Variants in NFE2L1 observed in about 807,000 individuals in gnomAD.
NFE2L1 encodes endoplasmic reticulum membrane sensor NFE2L1.
Under a neutral mutation model 61.6 loss-of-function variants are expected in NFE2L1, and 18 were observed. That is an observed-to-expected ratio of 0.29 (90% CI 0.20 to 0.43). The LOEUF is 0.43. Among genes scored for constraint, NFE2L1 ranks in the 20% least tolerant of loss-of-function variants. The probability of loss-of-function intolerance (pLI) is 1.00; values close to 1 mark genes in which losing one functional copy is unlikely to be tolerated. For synonymous variants in NFE2L1, 419 were observed against 402.7 expected (o/e 1.04, Z -0.48); for missense variants, 827 against 973.5 (o/e 0.85, Z 2.00).
intron 2 of NFE2L1, among the ~76,000 whole-genome samples, chr17:48,052,526 TA>T (rs1373162902): frequency 2.6e-5 from 4 of 152,306 alleles, no homozygotes; most frequent in African/African-American, 9.6e-5. Context: ...TGAAGGAATG[TA>T]AAAAGTTTTA....
intron 1 of NFE2L1, among the ~76,000 whole-genome samples, chr17:48,049,402 CT>C (rs940985966): frequency 6.6e-6 from 1 of 151,294 alleles, no homozygotes; most frequent in Non-Finnish European, 1.5e-5. Flanking sequence ...TCTTTTTTTT[CT>C]TTTTTTGAGA....
At chr17:48,052,853 C>A (rs2037289025) in intron 2 of NFE2L1, among the ~76,000 whole-genome samples, 2 of 152,180 alleles carry the variant, frequency 1.3e-5, no homozygotes, top group Admixed American at 1.3e-4. Flanking sequence ...TTGTCTGACC[C>A]CAAGTGTCAG....
In NFE2L1 at chr17:48,059,544, A is replaced by G. The variant is rs141070896; in HGVS notation, c.2222A>G (p.Gln741Arg). 5 of 1,612,648 alleles carry G rather than the reference A, an allele frequency of 3.1e-6. No homozygotes were observed. The African/African-American group carries it at 5.3e-5, about 17-fold the overall frequency. ...TACTCGCCCAGTCAGTATGCGCTCC[A>G]GTACGCCGGGGACGGCAGTGTCCTC... ...RPYSPSQYALQYAGDGSVLLI... is the reference protein window; with the variant it reads ...RPYSPSQYALRYAGDGSVLLI... Residue 741 changes from glutamine to arginine, a missense_variant, in exon 6 of 6, where the codon CAG becomes CGG. Coordinates refer to ENST00000362042, the MANE Select transcript of NFE2L1 (RefSeq NM_003204.3). This position sits in a 1 kb window ranked among gnomAD's most constrained non-coding sequence, Gnocchi z 6.1.
Position 48,058,746 on chromosome 17 carries a change from C to CT in NFE2L1, c.1425dup (p.Asp476Ter). ...TCCCAGCTGGAGGAGGAATTTGACT[C>CT]TGACTCAGGCCTTTCCTTAGACTCG... On this transcript the variant is annotated frameshift_variant, in exon 6 of 6. Coordinates refer to ENST00000362042, the MANE Select transcript of NFE2L1 (RefSeq NM_003204.3). LOFTEE classifies it high-confidence loss of function. The CT allele has an allele frequency of 6.2e-7, 1 of 1,614,236 alleles. No homozygotes were observed. Among genetic ancestry groups the CT allele is most frequent in the Middle Eastern group, 1.6e-4 (1 of 6,062 alleles).
rs1266948068 is a variant in NFE2L1 at position 48,055,987 on chromosome 17, A to G, written c.511-399A>G. On this transcript the variant is annotated intron_variant, in intron 2 of 5. Coordinates refer to ENST00000362042, the MANE Select transcript of NFE2L1 (RefSeq NM_003204.3). ...GCATGACAATTCGCTCTTGCTTGCC[A>G]TGGCCAGCTTCCTCCAAACCAAGTT... is the stretch of plus-strand genomic sequence containing the variant. 1.6e-5 allele frequency: 3 copies of G among 191,836 alleles called. No homozygotes were observed. The South Asian group carries it at 3.3e-4, about 21-fold the overall frequency. The allele number at this position is 191,836 out of a possible 1,614,324, so 11.9% of individuals were successfully genotyped here.
intron 2 of NFE2L1, among the ~76,000 whole-genome samples, chr17:48,055,666 C>T (rs1252929267): frequency 6.6e-6 from 1 of 152,032 alleles, no homozygotes; most frequent in African/African-American, 2.4e-5. Flanking sequence ...CATCTGACTG[C>T]CTGAGCCTCC....
Position 48,059,824 on chromosome 17 carries a change from C to A in NFE2L1, c.*183C>A. ...AGGCACTGGCTGGCTCAGCTCCACT[C>A]GGGTGGAGTGGAAGTGGCCAGACCA... On this transcript the variant is annotated 3_prime_UTR_variant, in exon 6 of 6. Coordinates refer to ENST00000362042, the MANE Select transcript of NFE2L1 (RefSeq NM_003204.3). The surrounding 1 kb of genome is among the most constrained non-coding windows in gnomAD (Gnocchi z 6.1). The A allele has an allele frequency of 1.1e-6, 1 of 875,298 alleles. No homozygotes were observed. The highest frequency in any genetic ancestry group is 1.7e-6 in the Non-Finnish European group (1 of 600,428). The allele number at this position is 875,298 out of a possible 1,614,324, so 54.2% of individuals were successfully genotyped here. A position where few individuals can be genotyped will look rare whatever the true frequency, so the allele number is the denominator to read the frequency against.
At position 48,056,576 on chromosome 17, in the gene NFE2L1, C is replaced by T; in HGVS notation, c.701C>T (p.Thr234Ile). ...LARNLLVDGE[T>I]GESFPAQVPS... ...CGGAACCTGCTAGTGGATGGAGAGA[C>T]TGGGGAGAGCTTCCCTGCACAGGTA... is the stretch of plus-strand genomic sequence containing the variant. The change falls in exon 3 of 6, where the codon ACT becomes ATT. Residue 234 changes from threonine (T) to isoleucine (I), a missense_variant. Coordinates refer to ENST00000362042, the MANE Select transcript of NFE2L1 (RefSeq NM_003204.3). The T allele has an allele frequency of 6.2e-7, 1 of 1,613,298 alleles. No homozygotes were observed. The highest frequency in any genetic ancestry group is 1.1e-5 in the South Asian group (1 of 91,058).
chr17:48,058,179 A>G, intron 5 of NFE2L1, 116 bp from the exon 6 acceptor site: 1 of 1,411,132 alleles, frequency 7.1e-7, no homozygotes. Flanking sequence ...GCTTTGGTTT[A>G]TAGTATTTTG....
Position 48,061,282 on chromosome 17 carries a change from TG to T in NFE2L1, c.*1647del, listed in dbSNP as rs1598297899. The T allele has an allele frequency of 1.3e-5, 2 of 151,302 alleles. No individual in the cohort carries two copies. Among genetic ancestry groups the T allele is most frequent in the Admixed American group, 6.6e-5 (1 of 15,196 alleles). The allele number at this position is 151,302 out of a possible 1,614,324, so 9.4% of individuals were successfully genotyped here. On this transcript the variant is annotated 3_prime_UTR_variant, in exon 6 of 6. Transcript: ENST00000362042. ...CAGACAAGTGGGAGTGAAATGGGGGTGGGGGGAAGCACTGATTCCCAGTTAG... is the reference window on the plus strand; with the variant it reads ...CAGACAAGTGGGAGTGAAATGGGGGTGGGGGAAGCACTGATTCCCAGTTAG...
intron 1 of NFE2L1, 155 bp downstream of exon 1, chr17:48,048,617 C>G (rs2037152708): frequency 6.6e-6 from 1 of 150,958 alleles, no homozygotes; most frequent in Non-Finnish European, 1.5e-5. Context: ...GGAGGGGCCC[C>G]GCGCGGGGCC....
Position 48,057,491 on chromosome 17 carries a change from A to G in NFE2L1, c.961A>G (p.Met321Val). The change falls in exon 5 of 6, where the codon ATG (methionine) becomes GTG (valine). Residue 321 changes from methionine (M) to valine (V), a missense_variant. By Grantham distance (21) the Met-to-Val change is conservative (BLOSUM62 1). Coordinates refer to ENST00000362042, the MANE Select transcript of NFE2L1 (RefSeq NM_003204.3). ...EQQWQDLMSI[M>V]EMQAMEVNTS... ...GCAGTGGCAAGATCTCATGTCCATC[A>G]TGGAAATGCAGGTAGGATTGTCGGA... The G allele has an allele frequency of 6.2e-7, 1 of 1,613,042 alleles. No individual in the cohort carries two copies. Among genetic ancestry groups the G allele is most frequent in the Non-Finnish European group, 8.5e-7 (1 of 1,179,570 alleles).
intron 2 of NFE2L1, chr17:48,054,936 G>T: frequency 7.0e-7 from 1 of 1,438,688 alleles, no homozygotes; most frequent in South Asian, 1.4e-5. Context: ...CCAGCCTGGT[G>T]TGCTCCCTGA....
chr17:48,051,987 A>G (rs1030544680), intron 2 of NFE2L1, among the ~76,000 whole-genome samples: 2 of 152,106 alleles, frequency 1.3e-5, no homozygotes, highest in African/African-American at 4.8e-5. Context: ...CTAAGACACA[A>G]ATACTTTTTG....
chr17:48,051,526 A>G lies in NFE2L1; in HGVS notation c.408A>G (p.Pro136=), dbSNP rs1246654422. The G allele has an allele frequency of 3.7e-6, 6 of 1,614,216 alleles. No homozygotes were observed. The highest frequency in any genetic ancestry group is 5.1e-6 in the Non-Finnish European group (6 of 1,180,046). The change falls in exon 2 of 6, where the codon CCA becomes CCG. Residue 136 remains proline (P), a synonymous_variant. Coordinates refer to ENST00000362042, the MANE Select transcript of NFE2L1 (RefSeq NM_003204.3). ...GTGGCCTCCAAGATGTGACAGGCCC[A>G]GACAACGGGGTGCGAGAAAGCGAAA... is the stretch of plus-strand genomic sequence containing the variant. ...SSSGLQDVTG[P]DNGVRESETE... is the part of the protein sequence containing the mutation.
At position 48,059,901 on chromosome 17, in the gene NFE2L1, T is replaced by A; in HGVS notation, c.*260T>A. On this transcript the variant is annotated 3_prime_UTR_variant, in exon 6 of 6. Transcript: ENST00000362042. The surrounding 1 kb of genome is among the most constrained non-coding windows in gnomAD (Gnocchi z 6.1). ...CCCCTTTCCTGTGAGGCAGGGGTGG[T>A]GGTGGAGTTGCTGGAGGTAGAGGAG... 2.2e-6 allele frequency: 1 copy of A among 464,706 alleles called. No individual in the cohort carries two copies. Among genetic ancestry groups the A allele is most frequent in the Non-Finnish European group, 3.7e-6 (1 of 267,750 alleles). 28.8% of individuals were successfully genotyped at this position (464,706 alleles called of 1,614,324 possible).
intron 2 of NFE2L1, 43 bp downstream of exon 2, chr17:48,051,671 G>A (rs1374031937): frequency 6.4e-7 from 1 of 1,568,338 alleles, no homozygotes; most frequent in Non-Finnish European, 8.6e-7. Context: ...GGGGCTTGGG[G>A]GTGGGCTGGT....
In NFE2L1 at chr17:48,051,545, A is replaced by G. The variant is rs1205351329; in HGVS notation, c.427A>G (p.Ser143Gly). Reference sequence around the variant, plus strand: ...AGGCCCAGACAACGGGGTGCGAGAAAGCGAAACGGAGCAGGGATTCGGTGA... The same window carrying G: ...AGGCCCAGACAACGGGGTGCGAGAAGGCGAAACGGAGCAGGGATTCGGTGA... ...VTGPDNGVRE[S>G]ETEQGFGEDL... The change falls in exon 2 of 6, where the codon AGC becomes GGC. Residue 143 changes from serine to glycine, a missense_variant. This residue lies in a region of NFE2L1 where 667 missense variants were observed against 748.4 expected (regional missense o/e 0.89). Coordinates refer to ENST00000362042, the MANE Select transcript of NFE2L1 (RefSeq NM_003204.3). 5 of 1,614,044 alleles carry G rather than the reference A, an allele frequency of 3.1e-6. No homozygotes were observed. The South Asian group carries it at 4.4e-5, about 14-fold the overall frequency.
In NFE2L1 at chr17:48,051,376, G is replaced by A; in HGVS notation, c.258G>A (p.Gln86=). 1.2e-6 allele frequency: 2 copies of A among 1,614,160 alleles called. No homozygotes were observed. The highest frequency in any genetic ancestry group is 1.7e-6 in the Non-Finnish European group (2 of 1,180,026). The part of the protein sequence containing the change: ...NYFTARRLLS[Q]VRALDRFQVP... ...TCACTGCCCGGCGGCTCCTCAGTCA[G>A]GTGAGGGCCCTGGACAGGTTCCAGG... The change falls in exon 2 of 6, where the codon CAG becomes CAA. Residue 86 remains glutamine (Q), a synonymous_variant. Coordinates refer to ENST00000362042, the MANE Select transcript of NFE2L1 (RefSeq NM_003204.3).
Sources: gnomAD v4.1 joint callset for allele counts (sites outside exome capture counted in the v4.1 genomes callset) on GRCh38, gnomAD v4.1.1 for gene constraint, gnomAD v4.1.1 regional missense constraint, Gnocchi (gnomAD v3.1) non-coding constraint, MANE v1.5 for transcripts, NCBI Gene and HGNC (gene_info 2026-07-23, HGNC 2026-07-21) for gene names.